The following PTPRG variants were observed in gnomAD, a reference collection of about 807,000 sequenced individuals.
PTPRG encodes the protein receptor-type tyrosine-protein phosphatase gamma.
In PTPRG, 102 loss-of-function variants were observed where a neutral mutation model predicts 165.3. The ratio of observed to expected loss-of-function variants is 0.62; its 90% CI spans 0.53 to 0.73. The LOEUF (loss-of-function observed/expected upper bound fraction) is 0.73, where lower values mean the gene tolerates loss of function less well. PTPRG is among the 30% of genes least tolerant of loss of function. The pLI is 0.00. For synonymous variants in PTPRG, 675 were observed against 669.5 expected, an observed-to-expected ratio of 1.01 and a Z score of -0.13; for missense variants, 1,866 against 1,861.4, an observed-to-expected ratio of 1.00 and a Z score of -0.05.
At chr3:62,134,586 A>G (rs1051627074) in intron 6 of PTPRG, among the ~76,000 whole-genome samples, 2 of 152,148 alleles carry the variant, frequency 1.3e-5, no homozygotes, top group African/African-American at 2.4e-5. Flanking sequence ...TAAGTATCCT[A>G]TCAAATTATT....
chr3:62,083,079 G>C lies in PTPRG; in HGVS notation c.615+4821G>C, dbSNP rs75907683. ...AGGAATTTGTTGTTAAAACACTCAA[G>C]AGAATAAATACTTGTTTAGTTGATT... is the stretch of plus-strand genomic sequence containing the variant. On this transcript the variant is annotated intron_variant, in intron 5 of 29. Transcript: ENST00000474889. Among the ~76,000 whole-genome samples, 96 of 152,292 alleles carry C rather than the reference G, an allele frequency of 6.3e-4. No homozygotes were observed. The East Asian group carries it at 0.018, about 29-fold the overall frequency.
chr3:61,566,173 G>C (rs1038000782), intron 1 of PTPRG, among the ~76,000 whole-genome samples: 2 of 152,194 alleles, frequency 1.3e-5, no homozygotes, highest in African/African-American at 2.4e-5. Context: ...GTCATAGGAA[G>C]GGTTGGCTGA....
At position 62,214,065 on chromosome 3, in the gene PTPRG, AG is replaced by A. The variant is rs1342846130; in HGVS notation, c.2156-4785del. 6.6e-6 allele frequency among the ~76,000 whole-genome samples: 1 copy of A among 152,184 alleles called. No individual in the cohort carries two copies. The highest frequency in any genetic ancestry group is 1.5e-5 in the Non-Finnish European group (1 of 68,032). On this transcript the variant is annotated intron_variant, in intron 12 of 29. Coordinates refer to ENST00000474889, the MANE Select transcript of PTPRG (RefSeq NM_002841.4). This position sits in a 1 kb window ranked among gnomAD's most constrained non-coding sequence, Gnocchi z 5.2. Reference sequence around the variant, plus strand: ...AAAGAGGGAAAAAGCAGTATGATACAGTCTAGTCTCAGGGCAAACTGAGATT... The same window carrying A: ...AAAGAGGGAAAAAGCAGTATGATACATCTAGTCTCAGGGCAAACTGAGATT...
intron 2 of PTPRG, among the ~76,000 whole-genome samples, chr3:61,917,111 C>T (rs538388855): frequency 6.6e-6 from 1 of 152,048 alleles, no homozygotes; most frequent in Non-Finnish European, 1.5e-5. Context: ...AGGTGGCCGC[C>T]AATGCTTTTT....
chr3:62,108,361 A>G (rs1172718308), intron 5 of PTPRG, among the ~76,000 whole-genome samples: 3 of 152,206 alleles, frequency 2.0e-5, no homozygotes, highest in African/African-American at 7.2e-5. Flanking sequence ...ATGTCCCTGC[A>G]AAGGAGATGA....
At chr3:61,944,725 CCACTGGAATGTACTAT>C (rs1346435008) in intron 2 of PTPRG, among the ~76,000 whole-genome samples, 6 of 152,054 alleles carry the variant, frequency 3.9e-5, no homozygotes, top group Non-Finnish European at 8.8e-5. Context: ...ATAGTCTATC[CCACTGGAATGTACTAT>C]CACTGGCAAT....
chr3:62,256,434 GA>G (rs1342793059), intron 16 of PTPRG, among the ~76,000 whole-genome samples: 13 of 152,262 alleles, frequency 8.5e-5, no homozygotes, highest in Middle Eastern at 3.4e-3. Context: ...GTGGTAGAAA[GA>G]ACCTCTGATT....
At chr3:62,084,737 G>T (rs1701690754) in intron 5 of PTPRG, among the ~76,000 whole-genome samples, 1 of 152,150 alleles carries the variant, frequency 6.6e-6, no homozygotes. Flanking sequence ...ACCATAGGTA[G>T]ATATGATCTG....
intron 4 of PTPRG, among the ~76,000 whole-genome samples, chr3:62,028,855 G>A (rs1699667475): frequency 6.6e-6 from 1 of 152,186 alleles, no homozygotes; most frequent in Non-Finnish European, 1.5e-5. Context: ...GCTTCTCTTA[G>A]TTGGTGTCAT....
At chr3:61,770,575 A>T (rs773836947) in intron 2 of PTPRG, 1 of 152,276 alleles carries the variant, frequency 6.6e-6, no homozygotes, top group African/African-American at 2.4e-5. Flanking sequence ...AACTTTGCAT[A>T]TACTTTTTTC....
intron 2 of PTPRG, among the ~76,000 whole-genome samples, chr3:61,858,198 T>G (rs776262131): frequency 1.3e-5 from 2 of 152,200 alleles, no homozygotes; most frequent in Non-Finnish European, 2.9e-5. Context: ...AGCTTTTCTT[T>G]TCTATAGTAC....
intron 4 of PTPRG, among the ~76,000 whole-genome samples, chr3:62,012,861 G>A (rs529632213): frequency 1.3e-5 from 2 of 152,132 alleles, no homozygotes; most frequent in Non-Finnish European, 2.9e-5. Flanking sequence ...GAGATACGAA[G>A]GGAATAGAAA....
intron 8 of PTPRG, among the ~76,000 whole-genome samples, chr3:62,182,565 G>A: frequency 6.6e-6 from 1 of 152,220 alleles, no homozygotes. Flanking sequence ...AGGGGGTCAG[G>A]AGCATGACAA....
chr3:62,276,846 T>C (rs1702247328), intron 24 of PTPRG, 126 bp from the exon 25 acceptor site: 1 of 701,274 alleles, frequency 1.4e-6, no homozygotes, highest in Non-Finnish European at 2.4e-6. Context: ...TGTTTAAAAA[T>C]ATAGATAAGT....
At position 62,191,623 on chromosome 3, in the gene PTPRG, G is replaced by C; in HGVS notation, c.1188G>C (p.Lys396Asn). 1 of 1,614,186 alleles carries C rather than the reference G, an allele frequency of 6.2e-7. No individual in the cohort carries two copies. Among genetic ancestry groups the C allele is most frequent in the Non-Finnish European group, 8.5e-7 (1 of 1,180,014 alleles). ...SWTKNEDEKEKTFTKDSDKDL... is the reference protein window; with the variant it reads ...SWTKNEDEKENTFTKDSDKDL... ...CCAAGAATGAGGACGAGAAGGAGAA[G>C]ACGTTTACAAAGGACAGCGACAAAG... is the stretch of plus-strand genomic sequence containing the variant. Residue 396 changes from lysine to asparagine, a missense_variant, in exon 9 of 30, where the codon AAG (lysine) becomes AAC (asparagine). Transcript: ENST00000474889.
At chr3:62,110,918 G>A (rs1702647486) in intron 5 of PTPRG, among the ~76,000 whole-genome samples, 1 of 152,166 alleles carries the variant, frequency 6.6e-6, no homozygotes, top group African/African-American at 2.4e-5. Context: ...GCTTTAGGAG[G>A]CATCTCTTTG....
chr3:62,061,105 G>C (rs1700795086), intron 4 of PTPRG, among the ~76,000 whole-genome samples: 1 of 152,064 alleles, frequency 6.6e-6, no homozygotes, highest in Non-Finnish European at 1.5e-5. Context: ...TCCCAACTAA[G>C]GTAGCCTGTT....
chr3:61,989,731 C>T lies in PTPRG; in HGVS notation c.297C>T (p.Tyr99=). 1 of 1,614,088 alleles carries T rather than the reference C, an allele frequency of 6.2e-7. No homozygotes were observed. Among genetic ancestry groups the T allele is most frequent in the Non-Finnish European group, 8.5e-7 (1 of 1,180,000 alleles). The change falls in exon 3 of 30, where the codon TAC becomes TAT. Residue 99 remains tyrosine (Y), a synonymous_variant. Transcript: ENST00000474889. ...LDQYARVGEE[Y]QELQLDGFDN... Reference sequence around the variant, plus strand: ...AGTATGCGCGTGTTGGGGAAGAATACCAGGAACTGCAACTCGATGGCTTCG... The same window carrying T: ...AGTATGCGCGTGTTGGGGAAGAATATCAGGAACTGCAACTCGATGGCTTCG...
chr3:62,113,333 C>T (rs984278209), intron 5 of PTPRG, among the ~76,000 whole-genome samples: 1 of 152,088 alleles, frequency 6.6e-6, no homozygotes, highest in Admixed American at 6.6e-5. Context: ...AGCTGGAAAC[C>T]GATCAGCACC....
Sources: allele counts gnomAD v4.1 joint callset (sites outside exome capture counted in the v4.1 genomes callset), GRCh38; gene constraint gnomAD v4.1.1; non-coding constraint Gnocchi (gnomAD v3.1); transcripts MANE v1.5; gene names NCBI Gene and HGNC (gene_info 2026-07-23, HGNC 2026-07-21).